The following XYLT1 variants were observed in gnomAD, a reference collection of about 807,000 sequenced individuals.
The protein encoded by XYLT1 is xylosyltransferase 1.
Under a neutral mutation model 91.3 loss-of-function variants are expected in XYLT1, and 36 were observed. The ratio of observed to expected loss-of-function variants is 0.39; its 90% CI spans 0.30 to 0.52. XYLT1 has a LOEUF of 0.52. Among genes scored for constraint, XYLT1 ranks in the 20% least tolerant of loss-of-function variants. XYLT1 has a pLI of 0.68. For missense variants in XYLT1, 1,242 were observed against 1,284.5 expected (o/e 0.97, Z 0.51); for synonymous variants, 588 against 532.0 (o/e 1.11, Z -1.45).
chr16:17,236,550 C>G (rs2033251149), intron 3 of XYLT1, among the ~76,000 whole-genome samples: 1 of 152,194 alleles, frequency 6.6e-6, no homozygotes, highest in Non-Finnish European at 1.5e-5. Flanking sequence ...CGGGGCTGCC[C>G]TAACAAAGTC....
intron 1 of XYLT1, among the ~76,000 whole-genome samples, chr16:17,398,816 C>CCA (rs2035923563): frequency 2.3e-5 from 1 of 43,064 alleles, no homozygotes; most frequent in Admixed American, 2.8e-4. Flanking sequence ...CCAAATGTCC[C>CCA]CGCCCCCCCC....
chr16:17,429,738 A>G (rs2036366403), intron 1 of XYLT1, among the ~76,000 whole-genome samples: 1 of 152,112 alleles, frequency 6.6e-6, no homozygotes, highest in African/African-American at 2.4e-5. Context: ...TTTTTCTTGC[A>G]TTACTGCGTG....
At chr16:17,154,278 G>C (rs929210316) in intron 6 of XYLT1, among the ~76,000 whole-genome samples, 1 of 152,184 alleles carries the variant, frequency 6.6e-6, no homozygotes, top group Non-Finnish European at 1.5e-5. Context: ...CCAGGTGGCT[G>C]GACTCCAGCA....
chr16:17,350,722 G>A (rs889277458), intron 2 of XYLT1, among the ~76,000 whole-genome samples: 1 of 152,178 alleles, frequency 6.6e-6, no homozygotes, highest in Non-Finnish European at 1.5e-5. Context: ...TAATGGGCTG[G>A]AGACTCAGGT....
intron 8 of XYLT1, among the ~76,000 whole-genome samples, chr16:17,137,013 T>C (rs913203594): frequency 2.6e-5 from 4 of 151,962 alleles, no homozygotes; most frequent in Non-Finnish European, 4.4e-5. Context: ...AAACAAACAT[T>C]CCCCTGCAAC....
chr16:17,190,102 A>T (rs1464699411), intron 5 of XYLT1, among the ~76,000 whole-genome samples: 1 of 152,138 alleles, frequency 6.6e-6, no homozygotes, highest in Non-Finnish European at 1.5e-5. Flanking sequence ...TAGATACAGA[A>T]AGGAGATTAG....
intron 2 of XYLT1, among the ~76,000 whole-genome samples, chr16:17,336,882 G>A (rs1159035299): frequency 6.6e-6 from 1 of 152,192 alleles, no homozygotes; most frequent in Non-Finnish European, 1.5e-5. Flanking sequence ...CTCAGATGAA[G>A]TGCAGTAGGG....
At chr16:17,392,401 C>T (rs1035193031) in intron 1 of XYLT1, among the ~76,000 whole-genome samples, 3 of 152,154 alleles carry the variant, frequency 2.0e-5, no homozygotes, top group East Asian at 1.9e-4. Flanking sequence ...CTCTTGGGAC[C>T]ACCCTCTTCA....
intron 1 of XYLT1, among the ~76,000 whole-genome samples, chr16:17,470,026 T>G (rs2036960996): frequency 6.6e-6 from 1 of 152,174 alleles, no homozygotes; most frequent in East Asian, 1.9e-4. Context: ...GAGATGCTGC[T>G]GCGACAACCG....
chr16:17,332,876 C>A (rs1028165730), intron 2 of XYLT1, among the ~76,000 whole-genome samples: 3 of 152,066 alleles, frequency 2.0e-5, no homozygotes, highest in Non-Finnish European at 4.4e-5. Context: ...ATTCTGCAAC[C>A]TCCGCCTTTC....
intron 10 of XYLT1, among the ~76,000 whole-genome samples, chr16:17,122,025 T>A (rs1262194976): frequency 6.6e-6 from 1 of 152,130 alleles, no homozygotes; most frequent in Non-Finnish European, 1.5e-5. Context: ...ATGGGCTGCT[T>A]CCATTTTTTT....
chr16:17,396,564 G>T (rs2035889446), intron 1 of XYLT1, among the ~76,000 whole-genome samples: 1 of 152,160 alleles, frequency 6.6e-6, no homozygotes, highest in African/African-American at 2.4e-5. Flanking sequence ...CAGGGTGTTA[G>T]GGTAGTACAT....
At position 17,300,452 on chromosome 16, in the gene XYLT1, C is replaced by CTTTTTTTTTTTTTTTTTTTTTT. The variant is rs67480834; in HGVS notation, c.403-40976_403-40955dup. 7.1e-4 allele frequency among the ~76,000 whole-genome samples: 46 copies of CTTTTTTTTTTTTTTTTTTTTTT among 64,836 alleles called. 8 individuals carry two copies. Among genetic ancestry groups the CTTTTTTTTTTTTTTTTTTTTTT allele is most frequent in the African/African-American group, 2.4e-3 (38 of 16,062 alleles). The allele number at this position is 64,836 out of a possible 152,430, so 42.5% of individuals were successfully genotyped here. ...CAGCTATTTCTTTCTTTCATTCTTT[C>CTTTTTTTTTTTTTTTTTTTTTT]TTTTTTTTTTTTTTTTTTTTTTGAG... is the stretch of plus-strand genomic sequence containing the variant. On this transcript the variant is annotated intron_variant, in intron 2 of 11. Coordinates refer to ENST00000261381, the MANE Select transcript of XYLT1 (RefSeq NM_022166.4).
intron 3 of XYLT1, among the ~76,000 whole-genome samples, chr16:17,218,176 T>C (rs1288624898): frequency 6.6e-6 from 1 of 151,892 alleles, no homozygotes; most frequent in Non-Finnish European, 1.5e-5. Context: ...GAGAACTGCT[T>C]GAACCCAGGG....
chr16:17,124,031 T>C (rs1342488807), intron 10 of XYLT1, among the ~76,000 whole-genome samples: 1 of 152,216 alleles, frequency 6.6e-6, no homozygotes, highest in Non-Finnish European at 1.5e-5. Flanking sequence ...AGTCCTCAGG[T>C]GCCAGGCAAG....
intron 1 of XYLT1, among the ~76,000 whole-genome samples, chr16:17,415,943 G>A (rs1249266233): frequency 6.6e-6 from 1 of 152,200 alleles, no homozygotes; most frequent in Non-Finnish European, 1.5e-5. Flanking sequence ...CAGCAAGCAT[G>A]AAGGTCCCCA....
At chr16:17,220,327 T>C (rs958333353) in intron 3 of XYLT1, among the ~76,000 whole-genome samples, 2 of 151,838 alleles carry the variant, frequency 1.3e-5, no homozygotes, top group Non-Finnish European at 2.9e-5. Context: ...AAAAAAAATA[T>C]GAGCACAATT....
At chr16:17,294,914 T>A (rs1331197057) in intron 2 of XYLT1, among the ~76,000 whole-genome samples, 1 of 152,082 alleles carries the variant, frequency 6.6e-6, no homozygotes, top group Non-Finnish European at 1.5e-5. Context: ...TTGGGAGGCA[T>A]CTACGAAGAA....
At chr16:17,222,965 T>C (rs1239698333) in intron 3 of XYLT1, among the ~76,000 whole-genome samples, 3 of 149,984 alleles carry the variant, frequency 2.0e-5, no homozygotes, top group Non-Finnish European at 4.4e-5. Context: ...GGGCTGGGAC[T>C]AGGCGCTGAT....
Sources: gnomAD v4.1 joint callset for allele counts (sites outside exome capture counted in the v4.1 genomes callset) on GRCh38, gnomAD v4.1.1 for gene constraint, MANE v1.5 for transcripts, NCBI Gene and HGNC (gene_info 2026-07-23, HGNC 2026-07-21) for gene names.